JMJD1C: variants seen among roughly 807,000 people sequenced by gnomAD.
The protein encoded by JMJD1C is jumonji domain containing 1C, also known as jumonji domain-containing protein 1C.
JMJD1C carries 31 observed loss-of-function variants against 245.3 expected under a neutral mutation model. The observed-to-expected ratio is 0.13, with a 90% CI of 0.09 to 0.17. The LOEUF is 0.17. Among genes scored for constraint, JMJD1C ranks in the 10% least tolerant of loss-of-function variants. JMJD1C has a pLI of 1.00. For synonymous variants in JMJD1C, 1,057 were observed against 1,017.4 expected, an observed-to-expected ratio of 1.04 and a Z score of -0.74; for missense variants, 2,691 against 3,000.2, an observed-to-expected ratio of 0.90 and a Z score of 2.41.
At position 63,386,428 on chromosome 10, in the gene JMJD1C, G is replaced by A. The variant is rs74137721; in HGVS notation, c.169-5946C>T. ...ATTCCACTGGTAGTCTGGGGATCAT[G>A]CCACCCCTGTTGACCACAGCCAGTG... On this transcript the variant is annotated intron_variant, in intron 1 of 25. Transcript: ENST00000399262. Among the ~76,000 whole-genome samples, 1,346 of 152,318 alleles carry A rather than the reference G, an allele frequency of 8.8e-3. 21 individuals are homozygous for A. The highest frequency in any genetic ancestry group is 0.03 in the African/African-American group (1,241 of 41,570).
chr10:63,341,073 C>G (rs1372019651), intron 2 of JMJD1C, among the ~76,000 whole-genome samples: 1 of 152,186 alleles, frequency 6.6e-6, no homozygotes, highest in Non-Finnish European at 1.5e-5. Flanking sequence ...ATGAATCCAA[C>G]AGTGTCACAG....
At chr10:63,387,915 G>A (rs375355001) in intron 1 of JMJD1C, among the ~76,000 whole-genome samples, 99 of 151,986 alleles carry the variant, frequency 6.5e-4, no homozygotes, top group African/African-American at 2.1e-3. Context: ...GATTACAGGC[G>A]TGAGCCACTG....
chr10:63,361,857 T>G (rs1371350852), intron 2 of JMJD1C, among the ~76,000 whole-genome samples: 4 of 152,180 alleles, frequency 2.6e-5, no homozygotes, highest in African/African-American at 9.7e-5. Flanking sequence ...GTACTTAATT[T>G]TGGAAAACAA....
intron 1 of JMJD1C, among the ~76,000 whole-genome samples, chr10:63,408,303 T>C (rs2132642484): frequency 6.6e-6 from 1 of 151,988 alleles, no homozygotes. Flanking sequence ...TTCGGAAGGC[T>C]GAGGCAGGAG....
intron 1 of JMJD1C, among the ~76,000 whole-genome samples, chr10:63,407,872 AT>A (rs1469639585): frequency 6.6e-6 from 1 of 152,020 alleles, no homozygotes; most frequent in Admixed American, 6.6e-5. Flanking sequence ...GATAGCAGAA[AT>A]AAAAAATACA....
At chr10:63,251,727 C>T (rs755764925) in intron 3 of JMJD1C, among the ~76,000 whole-genome samples, 2 of 152,124 alleles carry the variant, frequency 1.3e-5, no homozygotes, top group African/African-American at 2.4e-5. Flanking sequence ...GTCTGTTGCC[C>T]ACTTCTTCGT....
chr10:63,469,587 C>A (rs1953424700), upstream of JMJD1C, among the ~76,000 whole-genome samples: 1 of 152,094 alleles, frequency 6.6e-6, no homozygotes, highest in Non-Finnish European at 1.5e-5. Context: ...GGACCTTTAT[C>A]CTTGAGAAGC....
intron 10 of JMJD1C, among the ~76,000 whole-genome samples, chr10:63,201,719 C>T (rs1589133142): frequency 2.0e-5 from 3 of 151,908 alleles, no homozygotes. Flanking sequence ...CACCTGAGGT[C>T]GGGAGTTCGA....
chr10:63,445,098 T>C (rs1951630441), intron 1 of JMJD1C, among the ~76,000 whole-genome samples: 1 of 151,942 alleles, frequency 6.6e-6, no homozygotes, highest in African/African-American at 2.4e-5. Context: ...CTGGGTGTGG[T>C]GGTACACATC....
chr10:63,301,977 C>A (rs1432467461), intron 2 of JMJD1C, among the ~76,000 whole-genome samples: 1 of 152,158 alleles, frequency 6.6e-6, no homozygotes, highest in Non-Finnish European at 1.5e-5. Context: ...AAATGGCTGG[C>A]TGCATTGTAT....
intron 21 of JMJD1C, among the ~76,000 whole-genome samples, chr10:63,183,997 G>A (rs975981673): frequency 9.3e-5 from 14 of 151,230 alleles, no homozygotes; most frequent in African/African-American, 2.2e-4. Context: ...GCATGATCTC[G>A]ACTCACTGCA....
At chr10:63,451,823 A>G (rs1952088719) in intron 1 of JMJD1C, among the ~76,000 whole-genome samples, 2 of 152,340 alleles carry the variant, frequency 1.3e-5, no homozygotes, top group Admixed American at 1.3e-4. Flanking sequence ...AAAGGTGCCA[A>G]AACTATTCAA....
Position 63,215,578 on chromosome 10 carries a change from G to C in JMJD1C, c.797C>G (p.Ala266Gly), listed in dbSNP as rs755555514. ...IGITSRRRSR[A>G]NQNVNAVHSH... ...GTGAACAGCGTTGACGTTTTGATTG[G>C]CACGAGACCTGCGTCGTGATGTAAT... Residue 266 changes from alanine (A) to glycine (G), a missense_variant, in exon 6 of 26, where the codon GCC becomes GGC. Physicochemically the swap from Ala to Gly is moderately conservative, Grantham distance 60. Coordinates refer to ENST00000399262, the MANE Select transcript of JMJD1C (RefSeq NM_032776.3). The C allele has an allele frequency of 6.2e-7, 1 of 1,609,962 alleles. No homozygotes were observed. Among genetic ancestry groups the C allele is most frequent in the Non-Finnish European group, 8.5e-7 (1 of 1,176,578 alleles).
At chr10:63,252,593 CTT>C (rs1853241112) in intron 3 of JMJD1C, among the ~76,000 whole-genome samples, 1 of 152,202 alleles carries the variant, frequency 6.6e-6, no homozygotes, top group Non-Finnish European at 1.5e-5. Flanking sequence ...AAAATCTCCT[CTT>C]TCTCAATTTC....
At chr10:63,291,178 C>A (rs1858637843) in intron 2 of JMJD1C, among the ~76,000 whole-genome samples, 1 of 151,672 alleles carries the variant, frequency 6.6e-6, no homozygotes, top group Admixed American at 6.6e-5. Flanking sequence ...CATGGTGGCA[C>A]ATGCCTATAA....
chr10:63,186,195 TA>T lies in JMJD1C; in HGVS notation c.6739+19del. On this transcript the variant is annotated intron_variant, in intron 19 of 25. Transcript: ENST00000399262. ...TGAAGGAGTATGATGGAGAAAATAG[TA>T]AAATAAAAACCAACATACTTGAAAC... 6.3e-7 allele frequency: 1 copy of T among 1,578,738 alleles called. No homozygotes were observed.
At chr10:63,406,388 C>G (rs765305517) in intron 1 of JMJD1C, among the ~76,000 whole-genome samples, 1 of 151,958 alleles carries the variant, frequency 6.6e-6, no homozygotes, top group Admixed American at 6.6e-5. Context: ...TGAAGAAAAA[C>G]GTTTCCTAGA....
intron 2 of JMJD1C, among the ~76,000 whole-genome samples, chr10:63,327,503 C>G (rs1037941526): frequency 6.6e-6 from 1 of 152,130 alleles, no homozygotes; most frequent in African/African-American, 2.4e-5. Context: ...TATACACCTT[C>G]CAGTTACAAC....
At chr10:63,449,983 C>G (rs1951941208) in intron 1 of JMJD1C, among the ~76,000 whole-genome samples, 1 of 152,040 alleles carries the variant, frequency 6.6e-6, no homozygotes, top group Non-Finnish European at 1.5e-5. Context: ...CATGGTGGCA[C>G]ATACCTGTGG....
Sources: allele counts gnomAD v4.1 joint callset (sites outside exome capture counted in the v4.1 genomes callset), GRCh38; gene constraint gnomAD v4.1.1; transcripts MANE v1.5; gene names NCBI Gene and HGNC (gene_info 2026-07-23, HGNC 2026-07-21).